The following ACSF3 variants were observed in gnomAD, a reference collection of about 807,000 sequenced individuals.
The protein encoded by ACSF3 is acyl-CoA synthetase family member 3.
A neutral mutation model predicts 53.2 loss-of-function variants in ACSF3; 78 were observed. That is an observed-to-expected ratio of 1.47 (90% confidence interval 1.22 to 1.77). ACSF3 has a LOEUF of 1.77. Among genes scored for constraint, ACSF3 ranks in the 40% most tolerant of loss-of-function variants. The pLI, the probability that ACSF3 is intolerant of heterozygous loss-of-function variation, is 0.00. For synonymous variants in ACSF3, 414 were observed against 333.1 expected (o/e 1.24, Z -2.65); for missense variants, 937 against 771.1 (o/e 1.22, Z -2.55).
chr16:89,145,006 G>A (rs968312631), intron 8 of ACSF3, among the ~76,000 whole-genome samples: 7 of 152,216 alleles, frequency 4.6e-5, no homozygotes, highest in African/African-American at 9.6e-5. Context: ...GCTGAGCATG[G>A]GGAAGGGACC....
At chr16:89,101,515 C>G (rs915039083) in intron 3 of ACSF3, among the ~76,000 whole-genome samples, 168 bp downstream of exon 3, 3 of 152,220 alleles carry the variant, frequency 2.0e-5, no homozygotes, top group African/African-American at 7.2e-5. Flanking sequence ...GGGGTGTGGC[C>G]GCTGGCCTCA....
intron 7 of ACSF3, among the ~76,000 whole-genome samples, chr16:89,125,343 CAAA>C (rs139116506): frequency 7.1e-6 from 1 of 140,832 alleles, no homozygotes; most frequent in African/African-American, 2.7e-5. Flanking sequence ...AACTCTGTCT[CAAA>C]AAAAAAAAAA....
chr16:89,109,060 C>T (rs1016307454), intron 4 of ACSF3, among the ~76,000 whole-genome samples: 1 of 151,862 alleles, frequency 6.6e-6, no homozygotes, highest in East Asian at 1.9e-4. Context: ...GGGTGAAACC[C>T]TGTCTATACT....
At chr16:89,118,271 C>G (rs1286089122) in intron 6 of ACSF3, among the ~76,000 whole-genome samples, 1 of 152,244 alleles carries the variant, frequency 6.6e-6, no homozygotes, top group Non-Finnish European at 1.5e-5. Context: ...AAGGCAGAAT[C>G]AAATATCTGT....
Position 89,101,139 on chromosome 16 carries a change from T to A in ACSF3, c.458T>A (p.Leu153Gln), listed in dbSNP as rs760484658. 20 of 1,613,868 alleles carry A rather than the reference T, an allele frequency of 1.2e-5. No individual in the cohort carries two copies. The South Asian group carries it at 2.2e-4, about 18-fold the overall frequency. Residue 153 changes from leucine (L) to glutamine (Q), a missense_variant, in exon 3 of 11, where the codon CTG becomes CAG. Physicochemically the swap from Leu to Gln is moderately radical, Grantham distance 113. Transcript: ENST00000614302. Reference protein sequence around the residue: ...SSVVLASQEYLELLSPVVRKL... With the variant: ...SSVVLASQEYQELLSPVVRKL... ...GTGGTCCTTGCCAGCCAGGAGTACC[T>A]GGAGCTCCTGAGCCCGGTGGTCAGG... is the stretch of plus-strand genomic sequence containing the variant.
At chr16:89,111,034 A>G (rs903182913) in intron 4 of ACSF3, among the ~76,000 whole-genome samples, 3 of 151,878 alleles carry the variant, frequency 2.0e-5, no homozygotes, top group Admixed American at 6.6e-5. Flanking sequence ...CAGTTTTATG[A>G]TTTTTTGCAG....
chr16:89,117,360 G>A (rs978989868), intron 6 of ACSF3, among the ~76,000 whole-genome samples: 5 of 152,162 alleles, frequency 3.3e-5, no homozygotes, highest in African/African-American at 9.7e-5. Context: ...CCAGGAGCAC[G>A]GTGACCTCTT....
chr16:89,097,500 C>T (rs1031902617), intron 1 of ACSF3, among the ~76,000 whole-genome samples: 2 of 152,250 alleles, frequency 1.3e-5, no homozygotes, highest in African/African-American at 4.8e-5. Flanking sequence ...CCAGAGCACC[C>T]AGTGCCCAGT....
In ACSF3 at chr16:89,114,498, T is replaced by TTCCCA; in HGVS notation, c.1126+12_1126+16dup. 6.2e-7 allele frequency: 1 copy of TTCCCA among 1,610,072 alleles called. No homozygotes were observed. Among genetic ancestry groups the TTCCCA allele is most frequent in the Non-Finnish European group, 8.5e-7 (1 of 1,179,962 alleles). ...CCGTGCGCCTGCCAGGTACGAGCAC[T>TTCCCA]TCCCACAGCTGCGTTCCTCTTCCAC... On this transcript the variant is annotated intron_variant, in intron 6 of 10. Transcript: ENST00000614302.
intron 8 of ACSF3, among the ~76,000 whole-genome samples, chr16:89,141,580 A>G (rs1191578649): frequency 7.0e-6 from 1 of 142,762 alleles, no homozygotes; most frequent in Non-Finnish European, 1.6e-5. Flanking sequence ...AGGAACGTCC[A>G]GGCCAAGGCG....
At chr16:89,120,982 T>A in intron 7 of ACSF3, 69 bp downstream of exon 7, 2 of 1,370,102 alleles carry the variant, frequency 1.5e-6, no homozygotes, top group South Asian at 1.2e-5. Flanking sequence ...GTGGTTACAC[T>A]GGTGCATCTT....
intron 4 of ACSF3, among the ~76,000 whole-genome samples, chr16:89,111,086 C>A (rs974071585): frequency 2.6e-5 from 4 of 152,148 alleles, no homozygotes; most frequent in Admixed American, 2.0e-4. Flanking sequence ...CCACGTTGTT[C>A]ATCTTTTCTT....
chr16:89,134,004 C>T (rs903608856), intron 8 of ACSF3, among the ~76,000 whole-genome samples: 1 of 152,194 alleles, frequency 6.6e-6, no homozygotes, highest in Non-Finnish European at 1.5e-5. Flanking sequence ...CTGGCTTGGT[C>T]CCAGGATCCC....
Position 89,145,964 on chromosome 16 carries a change from A to G in ACSF3, c.1528A>G (p.Met510Val), listed in dbSNP as rs745619996. The part of the protein sequence containing the change: ...TDVAVIGVPD[M>V]TWGQRVTAVV... ...TGTGGCTGTGATTGGAGTTCCGGAT[A>G]TGACATGGGGCCAGCGGGTCACTGC... The change falls in exon 10 of 11, where the codon ATG becomes GTG. Residue 510 changes from methionine (M) to valine (V), a missense_variant. Coordinates refer to ENST00000614302, the MANE Select transcript of ACSF3 (RefSeq NM_001243279.3). 4 of 1,581,442 alleles carry G rather than the reference A, an allele frequency of 2.5e-6. No individual in the cohort carries two copies. The highest frequency in any genetic ancestry group is 2.6e-6 in the Non-Finnish European group (3 of 1,158,882).
At chr16:89,140,279 C>T (rs990725056) in intron 8 of ACSF3, among the ~76,000 whole-genome samples, 4 of 152,200 alleles carry the variant, frequency 2.6e-5, no homozygotes, top group East Asian at 1.9e-4. Flanking sequence ...CCAGGTGCCC[C>T]GGGGTAACTG....
At chr16:89,137,421 C>T (rs112094997) in intron 8 of ACSF3, among the ~76,000 whole-genome samples, 245 of 120,042 alleles carry the variant, frequency 2.0e-3, no homozygotes, top group African/African-American at 7.3e-3. Context: ...CAGGAGCTCA[C>T]GGGGAAGGAT....
At position 89,154,908 on chromosome 16, in the gene ACSF3, A is replaced by G. The variant is rs745711851; in HGVS notation, c.*701A>G. ...CCCTGCCTCACCCCCCAGCGCAGGG[A>G]CTTTCCAGGTCATCTCCACACCAGC... On this transcript the variant is annotated 3_prime_UTR_variant, in exon 11 of 11. Coordinates refer to ENST00000614302, the MANE Select transcript of ACSF3 (RefSeq NM_001243279.3). 22 of 453,840 alleles carry G rather than the reference A, an allele frequency of 4.8e-5. No individual in the cohort carries two copies. The highest frequency in any genetic ancestry group is 6.9e-4 in the Middle Eastern group (1 of 1,444). 28.1% of individuals were successfully genotyped at this position (453,840 alleles called of 1,614,324 possible).
At chr16:89,153,847 C>CACCATGGCTTCTGTGGT (rs1914409861) in intron 10 of ACSF3, 2 of 565,860 alleles carry the variant, frequency 3.5e-6, no homozygotes, top group African/African-American at 1.9e-5. Flanking sequence ...GGCCTGCACG[C>CACCATGGCTTCTGTGGT]ACCATGGCTT....
chr16:89,113,454 T>G (rs986609893), intron 5 of ACSF3: 10 of 152,402 alleles, frequency 6.6e-5, no homozygotes, highest in African/African-American at 2.2e-4. Flanking sequence ...ACCCTGGGGC[T>G]GGGCAGGCCC....
Sources: allele counts gnomAD v4.1 joint callset (sites outside exome capture counted in the v4.1 genomes callset), GRCh38; gene constraint gnomAD v4.1.1; transcripts MANE v1.5; gene names NCBI Gene and HGNC (gene_info 2026-07-23, HGNC 2026-07-21).